TMEFF2: variants seen among roughly 807,000 people sequenced by gnomAD.
TMEFF2 encodes tomoregulin-2.
Under a neutral mutation model 53.8 loss-of-function variants are expected in TMEFF2, and 28 were observed. The observed-to-expected ratio is 0.52, with a 90% confidence interval of 0.39 to 0.71. The LOEUF is 0.71. TMEFF2 is among the 30% of genes least tolerant of loss of function. The pLI is 0.00. For synonymous variants in TMEFF2, 162 were observed against 166.3 expected (o/e 0.97, Z 0.20); for missense variants, 353 against 455.2 (o/e 0.78, Z 2.04).
At chr2:191,978,691 CT>C (rs1302710218) in intron 7 of TMEFF2, among the ~76,000 whole-genome samples, 1 of 152,102 alleles carries the variant, frequency 6.6e-6, no homozygotes, top group Non-Finnish European at 1.5e-5. Flanking sequence ...CTTTGGTATG[CT>C]TTTTAGCACC....
intron 4 of TMEFF2, among the ~76,000 whole-genome samples, chr2:192,088,010 CT>C (rs997321952): frequency 2.0e-5 from 3 of 152,156 alleles, no homozygotes; most frequent in Non-Finnish European, 2.9e-5. Flanking sequence ...AAGGCAAACT[CT>C]TTTCAGTGTG....
At chr2:192,178,645 T>G (rs1691110338) in intron 4 of TMEFF2, 1 of 151,282 alleles carries the variant, frequency 6.6e-6, no homozygotes, top group Admixed American at 6.6e-5. Flanking sequence ...TAGTTAAGTC[T>G]TTCATTACAT....
At chr2:191,987,284 T>C (rs527562849) in intron 7 of TMEFF2, among the ~76,000 whole-genome samples, 1 of 152,272 alleles carries the variant, frequency 6.6e-6, no homozygotes, top group East Asian at 1.9e-4. Context: ...GAGGCAAAAT[T>C]GAGAACTGCT....
chr2:192,011,336 T>C (rs1327489324), intron 5 of TMEFF2, among the ~76,000 whole-genome samples: 1 of 152,214 alleles, frequency 6.6e-6, no homozygotes, highest in Admixed American at 6.5e-5. Flanking sequence ...GAGTGGCTAC[T>C]CTGTGCAAAA....
chr2:191,976,541 C>A (rs563217637), intron 7 of TMEFF2, among the ~76,000 whole-genome samples: 1 of 152,336 alleles, frequency 6.6e-6, no homozygotes, highest in Non-Finnish European at 1.5e-5. Flanking sequence ...TTACAAGGGT[C>A]ATTCCGCAGA....
At chr2:192,106,253 A>G (rs1472495088) in intron 4 of TMEFF2, among the ~76,000 whole-genome samples, 1 of 151,812 alleles carries the variant, frequency 6.6e-6, no homozygotes, top group Non-Finnish European at 1.5e-5. Flanking sequence ...CATTAAACAC[A>G]AAAATATATG....
In TMEFF2 at chr2:192,037,331, AAGAAAAAC is replaced by A. The variant is rs1394365517; in HGVS notation, c.536+20340_536+20347del. On this transcript the variant is annotated intron_variant, in intron 5 of 9. Transcript: ENST00000272771. ...AAAGAAAGAAAGAAAGAAAGAAAGA[AAGAAAAAC>A]AGAAAACAGAAAAAAAAACCTCTCA... Among the ~76,000 whole-genome samples the A allele has an allele frequency of 3.3e-5, 5 of 150,714 alleles. No individual in the cohort carries two copies. The East Asian group carries it at 9.8e-4, about 30-fold the overall frequency.
At chr2:192,013,790 A>C (rs1282284812) in intron 5 of TMEFF2, among the ~76,000 whole-genome samples, 2 of 152,182 alleles carry the variant, frequency 1.3e-5, no homozygotes, top group Non-Finnish European at 2.9e-5. Flanking sequence ...CTTCACTAGA[A>C]TGTACACTTA....
At chr2:192,035,895 TC>T (rs1687279612) in intron 5 of TMEFF2, among the ~76,000 whole-genome samples, 2 of 152,170 alleles carry the variant, frequency 1.3e-5, no homozygotes, top group South Asian at 4.1e-4. Context: ...GTTCCATTAT[TC>T]TTCTCAGTGC....
chr2:191,952,093 A>G (rs896679267), intron 9 of TMEFF2, among the ~76,000 whole-genome samples: 2 of 152,220 alleles, frequency 1.3e-5, no homozygotes, highest in Non-Finnish European at 2.9e-5. Context: ...GCAATTTGCC[A>G]ACTTCTACCT....
intron 7 of TMEFF2, among the ~76,000 whole-genome samples, chr2:191,961,275 A>C (rs1692264451): frequency 6.6e-6 from 1 of 152,160 alleles, no homozygotes; most frequent in Non-Finnish European, 1.5e-5. Context: ...ATGCTTTAAC[A>C]TCCCATATGA....
At chr2:192,120,839 C>T (rs1439841165) in intron 4 of TMEFF2, among the ~76,000 whole-genome samples, 2 of 151,914 alleles carry the variant, frequency 1.3e-5, no homozygotes, top group Admixed American at 6.6e-5. Context: ...CAGGTTCAAG[C>T]GATTCTCTTG....
intron 4 of TMEFF2, among the ~76,000 whole-genome samples, chr2:192,140,923 G>GAA (rs1415917708): frequency 3.3e-5 from 5 of 152,120 alleles, no homozygotes; most frequent in African/African-American, 1.2e-4. Context: ...TTTCTGCCAA[G>GAA]TTAATTCAAT....
intron 7 of TMEFF2, among the ~76,000 whole-genome samples, chr2:191,983,730 GT>G (rs997551486): frequency 6.6e-6 from 1 of 152,110 alleles, no homozygotes; most frequent in Non-Finnish European, 1.5e-5. Flanking sequence ...CACATACAAT[GT>G]TTGAATGAAT....
intron 4 of TMEFF2, among the ~76,000 whole-genome samples, chr2:192,089,672 G>A (rs959228057): frequency 5.3e-5 from 8 of 152,026 alleles, no homozygotes; most frequent in Non-Finnish European, 4.4e-5. Context: ...CACTGTAGCC[G>A]ACACACAGTC....
At chr2:192,091,615 T>A (rs1001049477) in intron 4 of TMEFF2, among the ~76,000 whole-genome samples, 2 of 152,114 alleles carry the variant, frequency 1.3e-5, no homozygotes, top group African/African-American at 2.4e-5. Context: ...CTCTGTAACA[T>A]TTGCTGGGAG....
intron 2 of TMEFF2, among the ~76,000 whole-genome samples, chr2:192,189,919 G>A (rs1349296456): frequency 6.6e-6 from 1 of 152,252 alleles, no homozygotes; most frequent in South Asian, 2.1e-4. Flanking sequence ...AATAGCAGTA[G>A]TAGTACACTA....
chr2:192,072,213 A>C (rs1219770362), intron 4 of TMEFF2, among the ~76,000 whole-genome samples: 1 of 151,948 alleles, frequency 6.6e-6, no homozygotes, highest in East Asian at 1.9e-4. Flanking sequence ...TTTTCTATAG[A>C]GCTAATATTG....
intron 5 of TMEFF2, 134 bp downstream of exon 5, chr2:192,057,542 ATTT>A: frequency 1.4e-6 from 1 of 696,474 alleles, no homozygotes; most frequent in African/African-American, 1.8e-5. Flanking sequence ...CCTTGCCCTC[ATTT>A]TTTTTTTCAC....
Sources: allele counts gnomAD v4.1 joint callset (sites outside exome capture counted in the v4.1 genomes callset), GRCh38; gene constraint gnomAD v4.1.1; transcripts MANE v1.5; gene names NCBI Gene and HGNC (gene_info 2026-07-23, HGNC 2026-07-21).